SLC16A7: variants seen among roughly 807,000 people sequenced by gnomAD.
SLC16A7 encodes the protein monocarboxylate transporter 2.
In SLC16A7, 33 loss-of-function variants were observed where a neutral mutation model predicts 34.9. The ratio of observed to expected loss-of-function variants is 0.94; its 90% CI spans 0.72 to 1.26. The LOEUF (loss-of-function observed/expected upper bound fraction) is 1.26. Among genes scored for constraint, SLC16A7 ranks in the 50% most tolerant of loss-of-function variants. SLC16A7 has a pLI of 0.00. For missense variants in SLC16A7, 573 were observed against 578.1 expected (o/e 0.99, Z 0.09); for synonymous variants, 201 against 206.6 (o/e 0.97, Z 0.23).
chr12:59,773,266 C>T (rs1282983428), intron 4 of SLC16A7, among the ~76,000 whole-genome samples: 1 of 152,022 alleles, frequency 6.6e-6, no homozygotes, highest in Non-Finnish European at 1.5e-5. Flanking sequence ...TGAGGTATAG[C>T]GTTAGAGAAC....
chr12:59,719,910 G>T (rs189349033), intron 3 of SLC16A7: 25 of 523,102 alleles, frequency 4.8e-5, no homozygotes, highest in African/African-American at 4.6e-4. Flanking sequence ...TGGAAAGTTG[G>T]CATTTATCAG....
At chr12:59,669,653 C>CAA (rs1491096655) in intron 2 of SLC16A7, among the ~76,000 whole-genome samples, 1 of 20,356 alleles carries the variant, frequency 4.9e-5, no homozygotes, top group African/African-American at 2.6e-4. Context: ...CATAGATAGT[C>CAA]ACACACACAC....
chr12:59,773,104 T>TA (rs1169219160), intron 4 of SLC16A7, among the ~76,000 whole-genome samples: 1,466 of 142,832 alleles, frequency 0.01, 18 homozygotes, highest in African/African-American at 0.025. Context: ...GATATAAGAT[T>TA]AAAAAAAAAA....
chr12:59,676,263 C>G (rs1299207770), intron 2 of SLC16A7, among the ~76,000 whole-genome samples: 1 of 152,022 alleles, frequency 6.6e-6, no homozygotes, highest in East Asian at 1.9e-4. Context: ...AGTATTTTTA[C>G]TATGTTCTTT....
intron 1 of SLC16A7, among the ~76,000 whole-genome samples, chr12:59,602,722 T>C (rs761128212): frequency 2.0e-5 from 3 of 152,028 alleles, no homozygotes; most frequent in Non-Finnish European, 4.4e-5. Flanking sequence ...TGACCTCAAG[T>C]GATCTGCCCA....
At chr12:59,672,421 C>G (rs1039424367) in intron 2 of SLC16A7, among the ~76,000 whole-genome samples, 1 of 151,570 alleles carries the variant, frequency 6.6e-6, no homozygotes, top group Non-Finnish European at 1.5e-5. Context: ...GTGAGACAGA[C>G]TTTCTTATCT....
intron 1 of SLC16A7, among the ~76,000 whole-genome samples, chr12:59,634,407 C>G (rs1428021863): frequency 5.9e-5 from 9 of 152,054 alleles, no homozygotes; most frequent in Admixed American, 5.9e-4. Context: ...TGGGAAACCA[C>G]TGCAACTGCA....
At position 59,657,961 on chromosome 12, in the gene SLC16A7, T is replaced by C. The variant is rs550244756; in HGVS notation, c.-31+2711T>C. Among the ~76,000 whole-genome samples the C allele has an allele frequency of 3.9e-5, 6 of 152,074 alleles. No homozygotes were observed. In the South Asian group the frequency reaches 1.2e-3, roughly 32 times the overall value. ...AAAATGTGCATAAGAGCAAACTGTT[T>C]TGCTCTTACAAAACAGTTTGTCTGT... On this transcript the variant is annotated intron_variant, in intron 2 of 5. Transcript: ENST00000547379.
At chr12:59,707,828 G>A (rs767187761) in intron 3 of SLC16A7, among the ~76,000 whole-genome samples, 1 of 152,074 alleles carries the variant, frequency 6.6e-6, no homozygotes, top group Non-Finnish European at 1.5e-5. Flanking sequence ...GCTAAAACAT[G>A]CAAATGTTTC....
At chr12:59,770,181 T>C (rs1433416044) in intron 3 of SLC16A7, among the ~76,000 whole-genome samples, 2 of 152,168 alleles carry the variant, frequency 1.3e-5, no homozygotes, top group Non-Finnish European at 2.9e-5. Context: ...ATATTTTATG[T>C]ATATACACAC....
Position 59,788,953 on chromosome 12 carries a change from G to A in SLC16A7, c.*9274G>A, listed in dbSNP as rs562614419. The A allele has an allele frequency of 5.3e-5, 8 of 151,960 alleles. No homozygotes were observed. Among genetic ancestry groups the A allele is most frequent in the African/African-American group, 1.4e-4 (6 of 41,486 alleles). 9.4% of individuals were successfully genotyped at this position (151,960 alleles called of 1,614,324 possible). On this transcript the variant is annotated 3_prime_UTR_variant, in exon 6 of 6. Transcript: ENST00000547379. ...TCTTGCCTTTCAGGTATACTACAGC[G>A]TTATATGAACATAATGTTTTAAAAA...
intron 2 of SLC16A7, among the ~76,000 whole-genome samples, chr12:59,686,289 CAT>C (rs1416838072): frequency 6.6e-6 from 1 of 151,766 alleles, no homozygotes; most frequent in African/African-American, 2.4e-5. Flanking sequence ...ATTTTAGTGT[CAT>C]AGAATCAAAG....
intron 1 of SLC16A7, among the ~76,000 whole-genome samples, chr12:59,640,209 T>C (rs1880617117): frequency 6.6e-6 from 1 of 152,112 alleles, no homozygotes. Context: ...TAAATGGTTG[T>C]AAGGAAACTC....
intron 2 of SLC16A7, among the ~76,000 whole-genome samples, chr12:59,670,024 C>T (rs1441587295): frequency 2.0e-5 from 3 of 152,142 alleles, no homozygotes; most frequent in Non-Finnish European, 4.4e-5. Flanking sequence ...AATTTATTCT[C>T]TCTCCTTTGG....
intron 3 of SLC16A7, among the ~76,000 whole-genome samples, chr12:59,708,469 A>C (rs1240590938): frequency 6.6e-6 from 1 of 152,198 alleles, no homozygotes; most frequent in Non-Finnish European, 1.5e-5. Flanking sequence ...TATGTGAAAT[A>C]TATTTATAGG....
chr12:59,736,641 A>G (rs1458078184), intron 3 of SLC16A7, among the ~76,000 whole-genome samples: 1 of 152,188 alleles, frequency 6.6e-6, no homozygotes, highest in Non-Finnish European at 1.5e-5. Flanking sequence ...TTAGGACCCT[A>G]TCAAAATAAC....
At chr12:59,636,751 T>G (rs1464463546) in intron 1 of SLC16A7, among the ~76,000 whole-genome samples, 2 of 152,150 alleles carry the variant, frequency 1.3e-5, no homozygotes, top group East Asian at 3.9e-4. Flanking sequence ...ATGATGAATT[T>G]GATTACATGA....
chr12:59,632,793 G>T (rs1880241329), intron 1 of SLC16A7, among the ~76,000 whole-genome samples: 2 of 152,034 alleles, frequency 1.3e-5, no homozygotes, highest in South Asian at 4.1e-4. Context: ...GCAGCCAGCA[G>T]TGTGGCCTTT....
At chr12:59,698,364 C>T (rs563255422) in intron 2 of SLC16A7, among the ~76,000 whole-genome samples, 1 of 151,746 alleles carries the variant, frequency 6.6e-6, no homozygotes, top group East Asian at 1.9e-4. Flanking sequence ...TAAATATATA[C>T]ACACATTGAA....
Sources: allele counts gnomAD v4.1 joint callset (sites outside exome capture counted in the v4.1 genomes callset), GRCh38; gene constraint gnomAD v4.1.1; transcripts MANE v1.5; gene names NCBI Gene and HGNC (gene_info 2026-07-23, HGNC 2026-07-21).